Variants in TAF1L observed in about 807,000 individuals in gnomAD.
TAF1L encodes the protein transcription initiation factor TFIID subunit 1-like.
In TAF1L, 30 loss-of-function variants were observed where a neutral mutation model predicts 128.8. The ratio of observed to expected loss-of-function variants is 0.23; its 90% confidence interval spans 0.17 to 0.32. TAF1L has a LOEUF of 0.32. TAF1L is among the 10% of genes least tolerant of loss of function. TAF1L has a pLI of 1.00. For synonymous variants in TAF1L, 764 were observed against 790.7 expected (o/e 0.97, Z 0.57); for missense variants, 2,099 against 2,253.7 (o/e 0.93, Z 1.39).
chr9:32,630,525 T>G lies in TAF1L; in HGVS notation c.5055A>C (p.Gln1685His), dbSNP rs1380372137. ...CCAAGACAGACAAATTGCTCTCATC[T>G]TGAAATACAGAGGCATCTCGAGACG... ...LSTSRDASVF[Q>H]DESNLSVLDI... The change falls in exon 1 of 1, where the codon CAA becomes CAC. Residue 1685 changes from glutamine (Q) to histidine (H), a missense_variant. This residue lies in a region of TAF1L where 404 missense variants were observed against 406.5 expected (regional missense o/e 0.99). Coordinates refer to ENST00000242310, the MANE Select transcript of TAF1L (RefSeq NM_153809.2). 6.2e-7 allele frequency: 1 copy of G among 1,614,218 alleles called. No individual in the cohort carries two copies. The highest frequency in any genetic ancestry group is 2.2e-5 in the East Asian group (1 of 44,886).
chr9:32,630,346 G>A lies in TAF1L; in HGVS notation c.5234C>T (p.Ala1745Val), dbSNP rs753541946. ...TTGTACAGTTCCTTCCTCTTCATCT[G>A]CAAGATCACCATCTCCCCCTTCTGG... Reference protein sequence around the residue: ...PAPEGGDGDLADEEEGTVQQP... With the variant: ...PAPEGGDGDLVDEEEGTVQQP... Residue 1745 changes from alanine to valine, a missense_variant, in exon 1 of 1, where the codon GCA (alanine) becomes GTA (valine). Ala to Val is a moderately conservative substitution (Grantham distance 64, BLOSUM62 0). Around this residue, in one of 4 missense-constraint regions of TAF1L, gnomAD observed 404 missense variants for 406.5 expected, o/e 0.99. Coordinates refer to ENST00000242310, the MANE Select transcript of TAF1L (RefSeq NM_153809.2). 6.2e-7 allele frequency: 1 copy of A among 1,614,148 alleles called. No individual in the cohort carries two copies. Among genetic ancestry groups the A allele is most frequent in the South Asian group, 1.1e-5 (1 of 91,090 alleles).
chr9:32,631,512 G>C lies in TAF1L; in HGVS notation c.4068C>G (p.Arg1356=). 1 of 1,614,208 alleles carries C rather than the reference G, an allele frequency of 6.2e-7. No homozygotes were observed. Among genetic ancestry groups the C allele is most frequent in the Non-Finnish European group, 8.5e-7 (1 of 1,180,044 alleles). ...KQLIENVHEV[R]RKSLVLKFPK... ...GAAACTTGAGAACCAGAGATTTTCT[G>C]CGAACCTCATGCACATTCTCAATTA... is the stretch of plus-strand genomic sequence containing the variant. The change falls in exon 1 of 1, where the codon CGC becomes CGG. Residue 1356 remains arginine (R), a synonymous_variant. Coordinates refer to ENST00000242310, the MANE Select transcript of TAF1L (RefSeq NM_153809.2). This position sits in a 1 kb window ranked among gnomAD's most constrained non-coding sequence, Gnocchi z 4.1.
rs994434514 is a variant in TAF1L, at chr9:32,633,355, A to G, written c.2225T>C (p.Val742Ala). 1.2e-6 allele frequency: 2 copies of G among 1,614,078 alleles called. No individual in the cohort carries two copies. The highest frequency in any genetic ancestry group is 2.7e-5 in the African/African-American group (2 of 74,922). Residue 742 changes from valine (V) to alanine (A), a missense_variant, in exon 1 of 1, where the codon GTT (valine) becomes GCT (alanine). Around this residue, in one of 4 missense-constraint regions of TAF1L, gnomAD observed 1,213 missense variants for 1,391.4 expected, o/e 0.87. Transcript: ENST00000242310. ...GAPDCKYGET[V>A]YCHTSPFLGS... The stretch of plus-strand genomic sequence containing the variant: ...CAAGAAAGGAGATGTATGGCAGTAA[A>G]CAGTTTCCCCATATTTACAATCTGG...
In TAF1L at chr9:32,631,112, G is replaced by A; in HGVS notation, c.4468C>T (p.Gln1490Ter). The A allele has an allele frequency of 6.2e-7, 1 of 1,614,198 alleles. No homozygotes were observed. The highest frequency in any genetic ancestry group is 8.5e-7 in the Non-Finnish European group (1 of 1,180,036). Residue 1490 changes from glutamine (Q) to a stop codon, truncating the protein, a stop_gained, in exon 1 of 1, where the codon CAA becomes TAA. Transcript: ENST00000242310. LOFTEE classifies it high-confidence loss of function. This position sits in a 1 kb window ranked among gnomAD's most constrained non-coding sequence, Gnocchi z 4.1. ...GPKHSLTQISQSMLDLCDEKL... is the reference protein window; with the variant it reads ...GPKHSLTQIS ...TCATCACAGAGATCCAGCATGGATT[G>A]AGAGATCTGAGTCAATGAATGTTTT...
At position 32,630,084 on chromosome 9, in the gene TAF1L, G is replaced by A; in HGVS notation, c.*15C>T. 1 of 1,613,904 alleles carries A rather than the reference G, an allele frequency of 6.2e-7. No homozygotes were observed. Among genetic ancestry groups the A allele is most frequent in the Non-Finnish European group, 8.5e-7 (1 of 1,179,926 alleles). On this transcript the variant is annotated 3_prime_UTR_variant, in exon 1 of 1. Transcript: ENST00000242310. ...AGCCTCCCCACCGTCTCCCTCATGG[G>A]ACATCATGCTTTCTTCATTTTCCGT...
rs1321650158 is a variant in TAF1L at position 32,635,251 on chromosome 9, G to C, written c.329C>G (p.Ser110Ter). The change falls in exon 1 of 1, where the codon TCA (serine) becomes TGA (stop). Residue 110 changes from serine (S) to a stop codon, truncating the protein, a stop_gained. Transcript: ENST00000242310. LOFTEE classifies it high-confidence loss of function. ...ATCTTCTGCCACCTCATTGATGTCTGAATAGTCTACAGCATCTTCTGTACT... is the reference window on the plus strand; with the variant it reads ...ATCTTCTGCCACCTCATTGATGTCTCAATAGTCTACAGCATCTTCTGTACT... ...IRSTEDAVDY[S>*]DINEVAEDES... The C allele has an allele frequency of 6.2e-7, 1 of 1,613,936 alleles. No individual in the cohort carries two copies. Among genetic ancestry groups the C allele is most frequent in the Non-Finnish European group, 8.5e-7 (1 of 1,180,030 alleles).
rs34241003 is a variant in TAF1L at position 32,630,387 on chromosome 9, T to C, written c.5193A>G (p.Lys1731=). The change falls in exon 1 of 1, where the codon AAA becomes AAG. Residue 1731 remains lysine, a synonymous_variant. Transcript: ENST00000242310. The stretch of plus-strand genomic sequence containing the variant: ...CCCCTTCTGGGGCTGGAGGCTTAGG[T>C]TTCCCATCCTCCTCCTCATCATCAT... The part of the protein sequence containing the change: ...EGYDDEEEDG[K]PKPPAPEGGD... 5 of 1,614,204 alleles carry C rather than the reference T, an allele frequency of 3.1e-6. No homozygotes were observed. In the South Asian group the frequency reaches 4.4e-5, roughly 14 times the overall value.
In TAF1L at chr9:32,630,471, C is replaced by G. The variant is rs772388404; in HGVS notation, c.5109G>C (p.Gln1703His). The change falls in exon 1 of 1, where the codon CAG becomes CAC. Residue 1703 changes from glutamine to histidine, a missense_variant. Physicochemically the swap from Gln to His is conservative, Grantham distance 24 (BLOSUM62 0). Transcript: ENST00000242310. The part of the protein sequence containing the change: ...LDISTATPEK[Q>H]MCQGQGRLGE... ...CCAGCCTACCTTGGCCCTGGCACATCTGTTTTTCTGGAGTGGCAGTGGAAA... is the reference window on the plus strand; with the variant it reads ...CCAGCCTACCTTGGCCCTGGCACATGTGTTTTTCTGGAGTGGCAGTGGAAA... 2.6e-5 allele frequency: 42 copies of G among 1,614,022 alleles called. No homozygotes were observed. The highest frequency in any genetic ancestry group is 3.5e-5 in the Non-Finnish European group (41 of 1,180,028).
Position 32,631,088 on chromosome 9 carries a change from C to T in TAF1L, c.4492G>A (p.Glu1498Lys). 3.1e-6 allele frequency: 5 copies of T among 1,614,204 alleles called. No individual in the cohort carries two copies. Among genetic ancestry groups the T allele is most frequent in the Admixed American group, 1.7e-5 (1 of 60,024 alleles). The part of the protein sequence containing the change: ...ISQSMLDLCD[E>K]KLKEKEDKLA... ...TTGTCTTCTTTCTCTTTAAGTTTTT[C>T]ATCACAGAGATCCAGCATGGATTGA... is the stretch of plus-strand genomic sequence containing the variant. Residue 1498 changes from glutamate to lysine, a missense_variant, in exon 1 of 1, where the codon GAA becomes AAA. Physicochemically the swap from Glu to Lys is moderately conservative, Grantham distance 56. This residue lies in a region of TAF1L where 404 missense variants were observed against 406.5 expected (regional missense o/e 0.99). Transcript: ENST00000242310. This position sits in a 1 kb window ranked among gnomAD's most constrained non-coding sequence, Gnocchi z 4.1.
rs1039296117 is a variant in TAF1L at position 32,630,059 on chromosome 9, A to G, written c.*40T>C. 6 of 1,610,426 alleles carry G rather than the reference A, an allele frequency of 3.7e-6. No individual in the cohort carries two copies. The African/African-American group carries it at 8.0e-5, about 22-fold the overall frequency. On this transcript the variant is annotated 3_prime_UTR_variant, in exon 1 of 1. Coordinates refer to ENST00000242310, the MANE Select transcript of TAF1L (RefSeq NM_153809.2). ...TGTTGCTATCCTCCAAATCATGGGA[A>G]GCCTCCCCACCGTCTCCCTCATGGG...
At position 32,634,267 on chromosome 9, in the gene TAF1L, T is replaced by A. The variant is rs1822554374; in HGVS notation, c.1313A>T (p.Glu438Val). The change falls in exon 1 of 1, where the codon GAG (glutamate) becomes GTG (valine). Residue 438 changes from glutamate (E) to valine (V), a missense_variant. Coordinates refer to ENST00000242310, the MANE Select transcript of TAF1L (RefSeq NM_153809.2). ...TTTTGTCCCTTTGTGTTTGATATCC[T>A]CCCCATCCCAGATGATAGAATCCTC... ...HWEDSIIWDG[E>V]DIKHKGTKPQ... The A allele has an allele frequency of 1.9e-6, 3 of 1,614,168 alleles. No homozygotes were observed. The highest frequency in any genetic ancestry group is 2.5e-6 in the Non-Finnish European group (3 of 1,180,032).
chr9:32,631,143 A>G lies in TAF1L; in HGVS notation c.4437T>C (p.Asn1479=), dbSNP rs765172874. The G allele has an allele frequency of 6.2e-7, 1 of 1,614,168 alleles. No homozygotes were observed. The highest frequency in any genetic ancestry group is 1.3e-5 in the African/African-American group (1 of 75,036). The change falls in exon 1 of 1, where the codon AAT becomes AAC. Residue 1479 remains asparagine, a synonymous_variant. Transcript: ENST00000242310. This position sits in a 1 kb window ranked among gnomAD's most constrained non-coding sequence, Gnocchi z 4.1. ...ELIVKNSATY[N]GPKHSLTQIS... is the part of the protein sequence containing the mutation. ...TCTGAGTCAATGAATGTTTTGGCCC[A>G]TTGTAGGTCGCACTGTTTTTCACAA...
rs1410520634 is a variant in TAF1L at position 32,632,645 on chromosome 9, C to T, written c.2935G>A (p.Gly979Ser). 23 of 1,614,172 alleles carry T rather than the reference C, an allele frequency of 1.4e-5. No homozygotes were observed. Among genetic ancestry groups the T allele is most frequent in the South Asian group, 4.4e-5 (4 of 91,084 alleles). ...ATCTTCACATAGGAGAATCCTTCAC[C>T]ACACCCTGTGGGATCTGCCACCCCA... ...VTGVADPTGC[G>S]EGFSYVKIPN... Residue 979 changes from glycine (G) to serine (S), a missense_variant, in exon 1 of 1, where the codon GGT becomes AGT. Physicochemically the swap from Gly to Ser is moderately conservative, Grantham distance 56 (BLOSUM62 0). Transcript: ENST00000242310. The surrounding 1 kb of genome is among the most constrained non-coding windows in gnomAD (Gnocchi z 4.4).
Position 32,634,315 on chromosome 9 carries a change from A to T in TAF1L, c.1265T>A (p.Leu422Gln). 2 of 1,614,186 alleles carry T rather than the reference A, an allele frequency of 1.2e-6. No homozygotes were observed. Among genetic ancestry groups the T allele is most frequent in the Non-Finnish European group, 1.7e-6 (2 of 1,180,028 alleles). ...CTCCCAATGCAGCTGTGTCACCATC[A>T]GGAAGTTTTCGTCAGCCAGAAGATC... ...GTDLLADENF[L>Q]MVTQLHWEDS... Residue 422 changes from leucine (L) to glutamine (Q), a missense_variant, in exon 1 of 1, where the codon CTG (leucine) becomes CAG (glutamine). Coordinates refer to ENST00000242310, the MANE Select transcript of TAF1L (RefSeq NM_153809.2).
rs1174236089 is a variant in TAF1L at position 32,634,978 on chromosome 9, T to A, written c.602A>T (p.Asp201Val). 1.2e-6 allele frequency: 2 copies of A among 1,614,088 alleles called. No individual in the cohort carries two copies. Among genetic ancestry groups the A allele is most frequent in the East Asian group, 4.5e-5 (2 of 44,884 alleles). The change falls in exon 1 of 1, where the codon GAT becomes GTT. Residue 201 changes from aspartate (D) to valine (V), a missense_variant. Physicochemically the swap from Asp to Val is radical, Grantham distance 152. Coordinates refer to ENST00000242310, the MANE Select transcript of TAF1L (RefSeq NM_153809.2). ...TTCTGAATCAGAGTAACTACTGAAATCCACTTTCTCTGAGGCCAAAAAGGA... is the reference window on the plus strand; with the variant it reads ...TTCTGAATCAGAGTAACTACTGAAAACCACTTTCTCTGAGGCCAAAAAGGA... ...APSFLASEKV[D>V]FSSYSDSESE...
In TAF1L at chr9:32,631,727, C is replaced by T. The variant is rs1822520416; in HGVS notation, c.3853G>A (p.Ala1285Thr). 1 of 1,614,116 alleles carries T rather than the reference C, an allele frequency of 6.2e-7. No individual in the cohort carries two copies. Among genetic ancestry groups the T allele is most frequent in the South Asian group, 1.1e-5 (1 of 91,080 alleles). ...ERPDLKLKCG[A>T]CGAIGHMRTN... ...CTCATATGTCCAATGGCACCACATG[C>T]CCCACATTTCAGTTTTAGGTCAGGA... The change falls in exon 1 of 1, where the codon GCA (alanine) becomes ACA (threonine). Residue 1285 changes from alanine to threonine, a missense_variant. Physicochemically the swap from Ala to Thr is moderately conservative, Grantham distance 58. Coordinates refer to ENST00000242310, the MANE Select transcript of TAF1L (RefSeq NM_153809.2). The surrounding 1 kb of genome is among the most constrained non-coding windows in gnomAD (Gnocchi z 4.1).
At position 32,630,300 on chromosome 9, in the gene TAF1L, C is replaced by A; in HGVS notation, c.5280G>T (p.Leu1760=). ...GTVQQPEASV[L]YEDLLISEGE... ...CTTCAGATATAAGCAAATCCTCATA[C>A]AGGACACTGGCTTCAGGTTGTTGTA... Residue 1760 remains leucine (L), a synonymous_variant, in exon 1 of 1, where the codon CTG becomes CTT. Transcript: ENST00000242310. 1 of 1,614,192 alleles carries A rather than the reference C, an allele frequency of 6.2e-7. No individual in the cohort carries two copies. The highest frequency in any genetic ancestry group is 1.1e-5 in the South Asian group (1 of 91,084).
Position 32,629,965 on chromosome 9 carries a change from CG to C in TAF1L, c.*133del. ...GCCACCATGCCCAGCTGGAAATTTC[CG>C]ATGCTGCTGAAGCTTGTGTCTTGGG... On this transcript the variant is annotated 3_prime_UTR_variant, in exon 1 of 1. Coordinates refer to ENST00000242310, the MANE Select transcript of TAF1L (RefSeq NM_153809.2). 6.6e-7 allele frequency: 1 copy of C among 1,520,600 alleles called. No individual in the cohort carries two copies. Among genetic ancestry groups the C allele is most frequent in the South Asian group, 1.3e-5 (1 of 76,100 alleles). The allele number at this position is 1,520,600 out of a possible 1,614,324, so 94.2% of individuals were successfully genotyped here.
rs181610542 is a variant in TAF1L, at chr9:32,630,911, G to C, written c.4669C>G (p.Pro1557Ala). ...TTGACAATCATTTTGTAATAATCTG[G>C]AACAAACTTCTTATTAACTGGGTGA... is the stretch of plus-strand genomic sequence containing the variant. The part of the protein sequence containing the change: ...FHHPVNKKFV[P>A]DYYKMIVNPV... The change falls in exon 1 of 1, where the codon CCA becomes GCA. Residue 1557 changes from proline (P) to alanine (A), a missense_variant. By Grantham distance (27) the Pro-to-Ala change is conservative. Coordinates refer to ENST00000242310, the MANE Select transcript of TAF1L (RefSeq NM_153809.2). The C allele has an allele frequency of 4.2e-5, 68 of 1,613,986 alleles. No homozygotes were observed. The highest frequency in any genetic ancestry group is 4.4e-5 in the South Asian group (4 of 91,072).
Sources: allele counts gnomAD v4.1 joint callset, GRCh38; gene constraint gnomAD v4.1.1; regional missense constraint gnomAD v4.1.1; non-coding constraint Gnocchi (gnomAD v3.1); transcripts MANE v1.5; gene names NCBI Gene and HGNC (gene_info 2026-07-23, HGNC 2026-07-21).